HSD17B12: variants seen among roughly 807,000 people sequenced by gnomAD.
HSD17B12 encodes hydroxysteroid 17-beta dehydrogenase 12, also known as very-long-chain 3-oxoacyl-CoA reductase.
A neutral mutation model predicts 39.3 loss-of-function variants in HSD17B12; 32 were observed. The ratio of observed to expected loss-of-function variants is 0.81; its 90% confidence interval spans 0.61 to 1.09. The LOEUF (loss-of-function observed/expected upper bound fraction) is 1.09. HSD17B12 is among the 50% of genes least tolerant of loss of function. HSD17B12 has a pLI of 0.00. For synonymous variants in HSD17B12, 150 were observed against 146.7 expected (o/e 1.02, Z -0.16); for missense variants, 342 against 382.9 (o/e 0.89, Z 0.89).
At chr11:43,783,493 C>A (rs1485898870) in intron 3 of HSD17B12, among the ~76,000 whole-genome samples, 1 of 151,382 alleles carries the variant, frequency 6.6e-6, no homozygotes, top group Non-Finnish European at 1.5e-5. Context: ...ATACACGTGC[C>A]ATGGTGGTTT....
At chr11:43,587,974 T>C in the HSD17B12 span, among the ~76,000 whole-genome samples, 91,292 of 152,036 alleles carry the variant, frequency 0.6, 27,716 homozygotes, top group East Asian at 0.73. Context: ...TTATAGCAGG[T>C]AGTTCTGTTG....
chr11:43,658,837 G>A, the HSD17B12 span, among the ~76,000 whole-genome samples: 1 of 152,216 alleles, frequency 6.6e-6, no homozygotes, highest in Non-Finnish European at 1.5e-5. Flanking sequence ...CTACTCAGTG[G>A]TTAGGGACCC....
At chr11:43,706,689 G>GTGTGTGTGTGTGTGT (rs1554961260) in intron 1 of HSD17B12, among the ~76,000 whole-genome samples, 1 of 137,820 alleles carries the variant, frequency 7.3e-6, no homozygotes, top group African/African-American at 2.8e-5. Context: ...TGAATGAAGG[G>GTGTGTGTGTGTGTGT]GTGTGTGTGT....
the HSD17B12 span, among the ~76,000 whole-genome samples, chr11:43,628,964 AAT>A: frequency 6.6e-6 from 1 of 152,084 alleles, no homozygotes; most frequent in African/African-American, 2.4e-5. Flanking sequence ...CCTAACTGAT[AAT>A]CCATACCATT....
intron 1 of HSD17B12, among the ~76,000 whole-genome samples, chr11:43,717,871 C>T (rs1950138954): frequency 1.4e-5 from 2 of 147,848 alleles, no homozygotes; most frequent in Admixed American, 1.4e-4. Context: ...GTGGCACCAT[C>T]TTGGCTCATT....
At chr11:43,648,409 G>A in the HSD17B12 span, among the ~76,000 whole-genome samples, 2 of 151,876 alleles carry the variant, frequency 1.3e-5, no homozygotes, top group Admixed American at 6.6e-5. Flanking sequence ...CAAAGTTCCA[G>A]AATTTGGCCT....
At chr11:43,622,655 C>T in the HSD17B12 span, among the ~76,000 whole-genome samples, 4 of 151,850 alleles carry the variant, frequency 2.6e-5, no homozygotes, top group Non-Finnish European at 4.4e-5. Flanking sequence ...TTTATTTCTG[C>T]TCTTTAAGAA....
the HSD17B12 span, among the ~76,000 whole-genome samples, chr11:43,634,141 C>A: frequency 8.1e-6 from 1 of 123,948 alleles, no homozygotes; most frequent in Non-Finnish European, 1.7e-5. Context: ...CCTTAAGATA[C>A]TTTAGCATTT....
At chr11:43,685,974 A>G (rs1417863227) in intron 1 of HSD17B12, among the ~76,000 whole-genome samples, 1 of 152,226 alleles carries the variant, frequency 6.6e-6, no homozygotes, top group Non-Finnish European at 1.5e-5. Flanking sequence ...CAGATTTGCA[A>G]CCATAAATCT....
chr11:43,825,290 G>A (rs560230331), intron 6 of HSD17B12, among the ~76,000 whole-genome samples: 1 of 152,158 alleles, frequency 6.6e-6, no homozygotes, highest in Admixed American at 6.5e-5. Context: ...ATGTCACTTA[G>A]CCAGAAGTGT....
chr11:43,742,791 C>T (rs1006558299), intron 1 of HSD17B12, among the ~76,000 whole-genome samples: 23 of 151,484 alleles, frequency 1.5e-4, no homozygotes, highest in African/African-American at 5.6e-4. Context: ...ATAATTTTTA[C>T]ACTTCTCTGT....
the HSD17B12 span, among the ~76,000 whole-genome samples, chr11:43,594,883 CTT>C: frequency 0.017 from 2,511 of 151,950 alleles, 64 homozygotes; most frequent in African/African-American, 0.057. Context: ...TTAAACATTT[CTT>C]TTTCCTGCAG....
chr11:43,713,712 A>G (rs1253757079), intron 1 of HSD17B12, among the ~76,000 whole-genome samples: 2 of 152,188 alleles, frequency 1.3e-5, no homozygotes, highest in Non-Finnish European at 2.9e-5. Flanking sequence ...ACTGTCTTCC[A>G]CAATGGTTGA....
chr11:43,598,392 C>A, the HSD17B12 span, among the ~76,000 whole-genome samples: 1 of 151,840 alleles, frequency 6.6e-6, no homozygotes, highest in African/African-American at 2.4e-5. Context: ...GAATCCGTTT[C>A]TTGAGCTGGG....
At chr11:43,660,921 T>G in the HSD17B12 span, among the ~76,000 whole-genome samples, 1 of 152,172 alleles carries the variant, frequency 6.6e-6, no homozygotes, top group Non-Finnish European at 1.5e-5. Context: ...GGTCAGGGGT[T>G]CAAGACCAGC....
the HSD17B12 span, among the ~76,000 whole-genome samples, chr11:43,655,277 G>T: frequency 6.6e-6 from 1 of 152,192 alleles, no homozygotes; most frequent in African/African-American, 2.4e-5. Flanking sequence ...CTTTGCTGAA[G>T]TTGCTTATCA....
chr11:43,738,507 G>A (rs1950336684), intron 1 of HSD17B12, among the ~76,000 whole-genome samples: 1 of 152,076 alleles, frequency 6.6e-6, no homozygotes, highest in African/African-American at 2.4e-5. Context: ...CTCTGTTAAA[G>A]TTCTTGAAAA....
At chr11:43,821,296 C>T (rs1455697071) in intron 6 of HSD17B12, among the ~76,000 whole-genome samples, 1 of 152,172 alleles carries the variant, frequency 6.6e-6, no homozygotes, top group Non-Finnish European at 1.5e-5. Context: ...ACTCTTAAAT[C>T]CTTCAGGAAT....
intron 1 of HSD17B12, among the ~76,000 whole-genome samples, chr11:43,693,799 T>C (rs1480558221): frequency 6.6e-6 from 1 of 152,234 alleles, no homozygotes; most frequent in African/African-American, 2.4e-5. Context: ...CCAAGCTAAC[T>C]TCCAGTAGGA....
Sources: gnomAD v4.1 joint callset for allele counts (sites outside exome capture counted in the v4.1 genomes callset) on GRCh38, gnomAD v4.1.1 for gene constraint, MANE v1.5 for transcripts, NCBI Gene and HGNC (gene_info 2026-07-23, HGNC 2026-07-21) for gene names.